UBTD1: variants seen among roughly 807,000 people sequenced by gnomAD.
UBTD1 encodes ubiquitin domain-containing protein 1.
A neutral mutation model predicts 21.7 loss-of-function variants in UBTD1; 19 were observed. The ratio of observed to expected loss-of-function variants is 0.87; its 90% CI spans 0.61 to 1.28. The LOEUF is 1.28. Ranked by LOEUF, UBTD1 falls within the 50% of genes most tolerant of loss-of-function variation. UBTD1 has a pLI of 0.00. For missense variants in UBTD1, 282 were observed against 315.1 expected, an observed-to-expected ratio of 0.89 and a Z score of 0.80; for synonymous variants, 116 against 135.1, an observed-to-expected ratio of 0.86 and a Z score of 0.98.
intron 1 of UBTD1, among the ~76,000 whole-genome samples, chr10:97,518,784 C>T (rs1169749149): frequency 6.6e-6 from 1 of 152,252 alleles, no homozygotes; most frequent in Non-Finnish European, 1.5e-5. Flanking sequence ...CTGAATTCCT[C>T]TCGGGAAACA....
In UBTD1 at chr10:97,570,373, G is replaced by A. The variant is rs557356991; in HGVS notation, c.534G>A (p.Leu178=). ...PDTVGQLKRQ[L]HAQEGIEPSW... is the part of the protein sequence containing the mutation. ...CAGTGGGGCAGCTCAAGAGGCAGCTGCACGCCCAGGAGGGCATCGAGCCAT... is the reference window on the plus strand; with the variant it reads ...CAGTGGGGCAGCTCAAGAGGCAGCTACACGCCCAGGAGGGCATCGAGCCAT... Residue 178 remains leucine, a synonymous_variant, in exon 3 of 3, where the codon CTG becomes CTA. Coordinates refer to ENST00000370664, the MANE Select transcript of UBTD1 (RefSeq NM_024954.5). The surrounding 1 kb of genome is among the most constrained non-coding windows in gnomAD (Gnocchi z 6.6). 1.3e-5 allele frequency: 21 copies of A among 1,613,308 alleles called. No individual in the cohort carries two copies. Among genetic ancestry groups the A allele is most frequent in the African/African-American group, 6.7e-5 (5 of 75,060 alleles).
At chr10:97,565,098 T>C (rs1210343134) in intron 1 of UBTD1, among the ~76,000 whole-genome samples, 1 of 152,236 alleles carries the variant, frequency 6.6e-6, no homozygotes, top group East Asian at 1.9e-4. Flanking sequence ...CCAACTACCT[T>C]GGGCACATGT....
intron 1 of UBTD1, among the ~76,000 whole-genome samples, chr10:97,540,633 A>C (rs1270423995): frequency 6.6e-6 from 1 of 152,258 alleles, no homozygotes; most frequent in Non-Finnish European, 1.5e-5. Flanking sequence ...TGAGGTTCTC[A>C]GAGGTTGAAT....
intron 1 of UBTD1, among the ~76,000 whole-genome samples, chr10:97,525,330 C>T (rs1440450084): frequency 6.6e-6 from 1 of 152,138 alleles, no homozygotes; most frequent in Non-Finnish European, 1.5e-5. Context: ...TAAAAGACCA[C>T]CTGGGGCCTC....
intron 1 of UBTD1, among the ~76,000 whole-genome samples, chr10:97,522,163 G>C (rs1220585171): frequency 1.3e-5 from 2 of 152,200 alleles, no homozygotes; most frequent in African/African-American, 2.4e-5. Context: ...CAGGGCACCA[G>C]AGCTGGAAAA....
At chr10:97,532,390 A>C (rs1479498200) in intron 1 of UBTD1, among the ~76,000 whole-genome samples, 1 of 152,190 alleles carries the variant, frequency 6.6e-6, no homozygotes, top group Non-Finnish European at 1.5e-5. Flanking sequence ...TCATGCCTGT[A>C]ATCCCAGCAC....
chr10:97,504,459 CCTCT>C (rs2040390377), intron 1 of UBTD1, among the ~76,000 whole-genome samples: 1 of 152,122 alleles, frequency 6.6e-6, no homozygotes, highest in African/African-American at 2.4e-5. Flanking sequence ...TGAATGGGTC[CCTCT>C]CTCTCCTTGT....
intron 1 of UBTD1, among the ~76,000 whole-genome samples, chr10:97,529,776 G>A (rs1211451009): frequency 7.8e-6 from 1 of 128,060 alleles, no homozygotes; most frequent in Non-Finnish European, 1.8e-5. Context: ...GGGAGACCGT[G>A]GGGAGAGGGA....
chr10:97,539,880 C>G (rs1446982447), intron 1 of UBTD1, among the ~76,000 whole-genome samples: 1 of 152,186 alleles, frequency 6.6e-6, no homozygotes, highest in South Asian at 2.1e-4. Flanking sequence ...AGCTCCCTTC[C>G]TTCCAGATCC....
At chr10:97,518,995 C>A (rs544606084) in intron 1 of UBTD1, among the ~76,000 whole-genome samples, 6 of 152,322 alleles carry the variant, frequency 3.9e-5, no homozygotes, top group African/African-American at 1.2e-4. Context: ...TGCCCAACAT[C>A]ATCAATGAGT....
At chr10:97,514,557 C>T (rs2040436361) in intron 1 of UBTD1, among the ~76,000 whole-genome samples, 1 of 152,168 alleles carries the variant, frequency 6.6e-6, no homozygotes, top group African/African-American at 2.4e-5. Context: ...GTTGTTCAGG[C>T]CGGTTAGCAT....
chr10:97,502,116 G>A (rs942078713), intron 1 of UBTD1, among the ~76,000 whole-genome samples: 8 of 152,028 alleles, frequency 5.3e-5, no homozygotes, highest in Admixed American at 2.6e-4. Flanking sequence ...TACAGAAGTA[G>A]CACTCAGTAT....
At chr10:97,555,725 G>A (rs2040660781) in intron 1 of UBTD1, among the ~76,000 whole-genome samples, 1 of 152,192 alleles carries the variant, frequency 6.6e-6, no homozygotes. Context: ...GTTTCGCAGT[G>A]TTCTTCTATA....
At chr10:97,514,579 T>C (rs2040436548) in intron 1 of UBTD1, among the ~76,000 whole-genome samples, 1 of 152,142 alleles carries the variant, frequency 6.6e-6, no homozygotes. Context: ...GCCCTTCCGC[T>C]GATGCAGGCA....
intron 1 of UBTD1, among the ~76,000 whole-genome samples, chr10:97,508,851 T>G (rs980999029): frequency 3.3e-5 from 5 of 152,292 alleles, no homozygotes; most frequent in Admixed American, 3.3e-4. Flanking sequence ...TCAGCCAAGA[T>G]TGTGTTCCTA....
At chr10:97,551,037 T>G (rs1482841707) in intron 1 of UBTD1, among the ~76,000 whole-genome samples, 1 of 152,202 alleles carries the variant, frequency 6.6e-6, no homozygotes, top group Non-Finnish European at 1.5e-5. Context: ...CACTCCTGTT[T>G]TGCTGTGTTT....
chr10:97,546,902 T>A (rs534205151), intron 1 of UBTD1, among the ~76,000 whole-genome samples: 13 of 149,016 alleles, frequency 8.7e-5, no homozygotes, highest in East Asian at 1.9e-4. Context: ...ACACACACAC[T>A]CTCTCTCTCT....
chr10:97,545,443 T>G (rs1048322661), intron 1 of UBTD1, among the ~76,000 whole-genome samples: 2 of 151,784 alleles, frequency 1.3e-5, no homozygotes, highest in South Asian at 2.1e-4. Context: ...TGTGTGTGTG[T>G]GTGTGTCTTA....
At chr10:97,553,015 T>C (rs1027731653) in intron 1 of UBTD1, among the ~76,000 whole-genome samples, 15 of 152,270 alleles carry the variant, frequency 9.9e-5, no homozygotes, top group Admixed American at 5.2e-4. Context: ...GCCAAAGAGA[T>C]GGACATTTTT....
Sources: allele counts gnomAD v4.1 joint callset (sites outside exome capture counted in the v4.1 genomes callset), GRCh38; gene constraint gnomAD v4.1.1; non-coding constraint Gnocchi (gnomAD v3.1); transcripts MANE v1.5; gene names NCBI Gene and HGNC (gene_info 2026-07-23, HGNC 2026-07-21).